SFMBT2: variants seen among roughly 807,000 people sequenced by gnomAD.
The protein encoded by SFMBT2 is Scm like with four mbt domains 2.
SFMBT2 carries 38 observed loss-of-function variants against 110.1 expected under a neutral mutation model. The ratio of observed to expected loss-of-function variants is 0.35; its 90% CI spans 0.27 to 0.45. The LOEUF (loss-of-function observed/expected upper bound fraction) is 0.45, where lower values mean the gene tolerates loss of function less well. SFMBT2 is among the 20% of genes least tolerant of loss of function. SFMBT2 has a pLI of 1.00. For missense variants in SFMBT2, 1,011 were observed against 1,094.9 expected, an observed-to-expected ratio of 0.92 and a Z score of 1.08; for synonymous variants, 425 against 425.4, an observed-to-expected ratio of 1.00 and a Z score of 0.01.
chr10:7,227,310 C>T (rs952548729), intron 10 of SFMBT2, among the ~76,000 whole-genome samples: 1 of 152,206 alleles, frequency 6.6e-6, no homozygotes, highest in Non-Finnish European at 1.5e-5. Context: ...AACAGGGGAA[C>T]AGATGGCCAG....
At chr10:7,283,724 A>G (rs1842011028) in intron 6 of SFMBT2, among the ~76,000 whole-genome samples, 180 bp downstream of exon 6, 1 of 152,200 alleles carries the variant, frequency 6.6e-6, no homozygotes, top group African/African-American at 2.4e-5. Flanking sequence ...TGAGAACACT[A>G]TTGATTGAGG....
chr10:7,198,454 G>C (rs1172518626), intron 14 of SFMBT2, among the ~76,000 whole-genome samples: 2 of 152,214 alleles, frequency 1.3e-5, no homozygotes, highest in African/African-American at 4.8e-5. Context: ...CTGCGCATCT[G>C]TATCTTCAGT....
chr10:7,291,010 G>A (rs1346681830), intron 4 of SFMBT2, among the ~76,000 whole-genome samples: 2 of 152,222 alleles, frequency 1.3e-5, no homozygotes, highest in African/African-American at 4.8e-5. Context: ...GACGTGACCT[G>A]TGTAGACCGG....
chr10:7,348,338 A>G (rs1751658), intron 4 of SFMBT2: 287,525 of 1,512,824 alleles, frequency 0.19, 30,703 homozygotes, highest in African/African-American at 0.38. Context: ...TCTCTACTAC[A>G]AAAAAATAAT....
intron 15 of SFMBT2, 45 bp from the exon 16 acceptor site, chr10:7,188,778 T>C: frequency 6.7e-7 from 1 of 1,497,162 alleles, no homozygotes; most frequent in Non-Finnish European, 9.3e-7. Flanking sequence ...ATTGCATTCA[T>C]TCCTACTAAC....
At chr10:7,376,354 T>G (rs909270545) in intron 2 of SFMBT2, among the ~76,000 whole-genome samples, 2 of 152,124 alleles carry the variant, frequency 1.3e-5, no homozygotes, top group South Asian at 4.1e-4. Flanking sequence ...AATTTTATAT[T>G]GTGCCTATTT....
intron 13 of SFMBT2, among the ~76,000 whole-genome samples, chr10:7,201,834 G>A (rs1189222800): frequency 6.6e-6 from 1 of 152,212 alleles, no homozygotes; most frequent in East Asian, 1.9e-4. Context: ...CAATTGAAAT[G>A]GGGGACACCC....
chr10:7,296,434 A>T (rs1842408553), intron 4 of SFMBT2, among the ~76,000 whole-genome samples: 1 of 152,158 alleles, frequency 6.6e-6, no homozygotes, highest in Admixed American at 6.5e-5. Context: ...TTGCTTGTTA[A>T]AGATTTTATT....
At chr10:7,205,984 T>C (rs1394616495) in intron 11 of SFMBT2, 56 bp from the exon 12 acceptor site, 6 of 1,602,290 alleles carry the variant, frequency 3.7e-6, no homozygotes, top group Non-Finnish European at 4.3e-6. Context: ...AACAAAGAAA[T>C]AGAAGGACAA....
At chr10:7,288,624 C>A (rs1564423431) in intron 4 of SFMBT2, among the ~76,000 whole-genome samples, 1 of 152,198 alleles carries the variant, frequency 6.6e-6, no homozygotes, top group Non-Finnish European at 1.5e-5. Context: ...GAACTAAAAT[C>A]TGGACTCATT....
rs117394305 is a variant in SFMBT2 at position 7,341,215 on chromosome 10, G to A, written c.436+26434C>T. On this transcript the variant is annotated intron_variant, in intron 4 of 20. Transcript: ENST00000397167. ...TCCAAGCTCGTATCAGGGGCAGAGC[G>A]GGAACGTTCCTGTTGTGGACACTAA... Among the ~76,000 whole-genome samples the A allele has an allele frequency of 1.9e-4, 29 of 152,266 alleles. No individual in the cohort carries two copies. The East Asian group carries it at 4.6e-3, about 24-fold the overall frequency.
chr10:7,186,418 C>CTA (rs140134868), intron 16 of SFMBT2, among the ~76,000 whole-genome samples: 1 of 130,472 alleles, frequency 7.7e-6, no homozygotes, highest in South Asian at 2.4e-4. Context: ...TACATACATA[C>CTA]TATATATACA....
rs1837864443 is a variant in SFMBT2, at chr10:7,171,241, G to GC, written c.2416-186dup. Among the ~76,000 whole-genome samples, 1 of 152,228 alleles carries GC rather than the reference G, an allele frequency of 6.6e-6. No individual in the cohort carries two copies. Among genetic ancestry groups the GC allele is most frequent in the African/African-American group, 2.4e-5 (1 of 41,456 alleles). On this transcript the variant is annotated intron_variant, in intron 19 of 20. Coordinates refer to ENST00000397167, the MANE Select transcript of SFMBT2 (RefSeq NM_001387889.1). The surrounding 1 kb of genome is among the most constrained non-coding windows in gnomAD (Gnocchi z 4.9). ...AGAAAGTTCTTGGCTCAGTGATGATGCCCCCTGCAATGACTCATGTGCCTT... is the reference window on the plus strand; with the variant it reads ...AGAAAGTTCTTGGCTCAGTGATGATGCCCCCCTGCAATGACTCATGTGCCTT...
chr10:7,380,557 C>T (rs1013541355), intron 2 of SFMBT2, among the ~76,000 whole-genome samples: 1 of 152,138 alleles, frequency 6.6e-6, no homozygotes, highest in Non-Finnish European at 1.5e-5. Flanking sequence ...ACTTAATGCG[C>T]AACATTTTTT....
chr10:7,205,529 A>C (rs1324308), intron 12 of SFMBT2: 22,476 of 985,378 alleles, frequency 0.023, 277 homozygotes, highest in Non-Finnish European at 0.025. Context: ...TTTTCACATC[A>C]AAACAATGAA....
At chr10:7,390,667 G>A (rs576248020) in intron 1 of SFMBT2, among the ~76,000 whole-genome samples, 22 of 152,276 alleles carry the variant, frequency 1.4e-4, no homozygotes, top group Non-Finnish European at 2.8e-4. Flanking sequence ...TTAAATGTCA[G>A]TGGCTTATAG....
At chr10:7,206,264 G>C in intron 11 of SFMBT2, 1 of 985,426 alleles carries the variant, frequency 1.0e-6, no homozygotes, top group African/African-American at 1.7e-5. Flanking sequence ...GGCTGAAAGA[G>C]AGAACAAGCA....
chr10:7,292,104 T>C (rs532545064), intron 4 of SFMBT2: 2 of 155,114 alleles, frequency 1.3e-5, no homozygotes, highest in African/African-American at 4.8e-5. Context: ...TATTTTTCCC[T>C]ACCATTTTAA....
At position 7,394,545 on chromosome 10, in the gene SFMBT2, G is replaced by A. The variant is rs772974375; in HGVS notation, c.-51-12596C>T. Among the ~76,000 whole-genome samples, 150 of 129,008 alleles carry A rather than the reference G, an allele frequency of 1.2e-3. 1 individual carries two copies. The highest frequency in any genetic ancestry group is 2.0e-3 in the Non-Finnish European group (122 of 62,432). 84.6% of individuals were successfully genotyped at this position (129,008 alleles called of 152,430 possible). The stretch of plus-strand genomic sequence containing the variant: ...AACTCCCCGACACGCTCACCCCCCT[G>A]GCAGCTCCCACTGCGTCCTTAGGTC... On this transcript the variant is annotated intron_variant, in intron 1 of 20. Coordinates refer to ENST00000397167, the MANE Select transcript of SFMBT2 (RefSeq NM_001387889.1).
Sources: gnomAD v4.1 joint callset for allele counts (sites outside exome capture counted in the v4.1 genomes callset) on GRCh38, gnomAD v4.1.1 for gene constraint, Gnocchi (gnomAD v3.1) non-coding constraint, MANE v1.5 for transcripts, NCBI Gene and HGNC (gene_info 2026-07-23, HGNC 2026-07-21) for gene names.